KCNQ1: variants seen among roughly 807,000 people sequenced by gnomAD.
KCNQ1 encodes potassium voltage-gated channel subfamily KQT member 1.
KCNQ1 carries 49 observed loss-of-function variants against 72.4 expected under a neutral mutation model. The ratio of observed to expected loss-of-function variants is 0.68; its 90% confidence interval spans 0.54 to 0.86. The LOEUF is 0.86. Among genes scored for constraint, KCNQ1 ranks in the 40% least tolerant of loss-of-function variants. The pLI is 0.00. For missense variants in KCNQ1, 790 were observed against 945.1 expected (o/e 0.84, Z 2.15); for synonymous variants, 450 against 412.6 (o/e 1.09, Z -1.10).
At chr11:2,719,749 A>C (rs1851171837) in intron 11 of KCNQ1, among the ~76,000 whole-genome samples, 1 of 152,198 alleles carries the variant, frequency 6.6e-6, no homozygotes, top group Admixed American at 6.5e-5. Flanking sequence ...GTTTCTCACC[A>C]CACAGTGTTG....
At chr11:2,558,041 T>C (rs756982199) in intron 2 of KCNQ1, among the ~76,000 whole-genome samples, 1 of 152,048 alleles carries the variant, frequency 6.6e-6, no homozygotes, top group Non-Finnish European at 1.5e-5. Flanking sequence ...GGAAGAAAAA[T>C]CCCTTACCTA....
chr11:2,510,906 G>A (rs1027621420), intron 1 of KCNQ1, among the ~76,000 whole-genome samples: 8 of 152,148 alleles, frequency 5.3e-5, no homozygotes, highest in African/African-American at 1.7e-4. Context: ...GCTTCTGCAC[G>A]TGCAGTTTTC....
intron 15 of KCNQ1, among the ~76,000 whole-genome samples, chr11:2,792,172 C>T (rs528638958): frequency 1.3e-5 from 2 of 152,214 alleles, no homozygotes; most frequent in Non-Finnish European, 2.9e-5. Flanking sequence ...CCGCGGCCTC[C>T]AGGGGGTGGC....
Position 2,446,560 on chromosome 11 carries a change from G to A in KCNQ1, c.386+1076G>A, listed in dbSNP as rs2133562031. Among the ~76,000 whole-genome samples the A allele has an allele frequency of 6.6e-6, 1 of 152,328 alleles. No homozygotes were observed. Among genetic ancestry groups the A allele is most frequent in the East Asian group, 1.9e-4 (1 of 5,172 alleles). On this transcript the variant is annotated intron_variant, in intron 1 of 15. Transcript: ENST00000155840. This position sits in a 1 kb window ranked among gnomAD's most constrained non-coding sequence, Gnocchi z 8.8. ...TGGCAGCTGCCACCAGGGCCTCAGGGCGGGTGACAGCAGGAGCCAGGCCCC... is the reference window on the plus strand; with the variant it reads ...TGGCAGCTGCCACCAGGGCCTCAGGACGGGTGACAGCAGGAGCCAGGCCCC...
Position 2,781,293 on chromosome 11 carries a change from G to A in KCNQ1, c.1794+3256G>A, listed in dbSNP as rs1173346282. ...GTGGTCGCCTGAGGTCACACAGCTA[G>A]TTAGGTGAAGAGCTGGTCCCAAGGA... On this transcript the variant is annotated intron_variant, in intron 15 of 15. Transcript: ENST00000155840. The surrounding 1 kb of genome is among the most constrained non-coding windows in gnomAD (Gnocchi z 6.6). Among the ~76,000 whole-genome samples, 1 of 152,194 alleles carries A rather than the reference G, an allele frequency of 6.6e-6. No individual in the cohort carries two copies. Among genetic ancestry groups the A allele is most frequent in the Non-Finnish European group, 1.5e-5 (1 of 68,028 alleles).
intron 10 of KCNQ1, among the ~76,000 whole-genome samples, chr11:2,597,855 G>T (rs1209163979): frequency 6.6e-6 from 1 of 151,998 alleles, no homozygotes; most frequent in Non-Finnish European, 1.5e-5. Context: ...CATTTCAATT[G>T]TGTTGCCACT....
At chr11:2,806,905 G>A (rs1025748945) in intron 15 of KCNQ1, among the ~76,000 whole-genome samples, 4 of 152,052 alleles carry the variant, frequency 2.6e-5, no homozygotes, top group African/African-American at 9.7e-5. Flanking sequence ...GCCAGCCCGA[G>A]AGGGACGGCA....
rs199472807 is a variant in KCNQ1 at position 2,777,002 on chromosome 11, G to A, written c.1702G>A (p.Gly568Arg). ...ELQRRLDQSI[G>R]KPSLFISVSE... Reference sequence around the variant, plus strand: ...TCTCTCCAGGCTGGACCAGTCCATTGGGAAGCCCTCACTGTTCATCTCCGT... The same window carrying A: ...TCTCTCCAGGCTGGACCAGTCCATTAGGAAGCCCTCACTGTTCATCTCCGT... Residue 568 changes from glycine to arginine, a missense_variant, in exon 14 of 16, where the codon GGG becomes AGG. Gly to Arg is a moderately radical substitution (Grantham distance 125, BLOSUM62 -2). Around this residue, in one of 5 missense-constraint regions of KCNQ1, gnomAD observed 91 missense variants for 139.1 expected, o/e 0.65. Coordinates refer to ENST00000155840, the MANE Select transcript of KCNQ1 (RefSeq NM_000218.3). 1.2e-6 allele frequency: 2 copies of A among 1,614,130 alleles called. No individual in the cohort carries two copies. Among genetic ancestry groups the A allele is most frequent in the Non-Finnish European group, 1.7e-6 (2 of 1,180,016 alleles).
In KCNQ1 at chr11:2,674,401, G is replaced by T. The variant is rs928202759; in HGVS notation, c.1514+12320G>T. 1.1e-4 allele frequency: 44 copies of T among 398,390 alleles called. No individual in the cohort carries two copies. In the East Asian group the frequency reaches 1.6e-3, roughly 14 times the overall value. The allele number at this position is 398,390 out of a possible 1,614,324, so 24.7% of individuals were successfully genotyped here. On this transcript the variant is annotated intron_variant, in intron 11 of 15. Coordinates refer to ENST00000155840, the MANE Select transcript of KCNQ1 (RefSeq NM_000218.3). The surrounding 1 kb of genome is among the most constrained non-coding windows in gnomAD (Gnocchi z 5.9). ...TTAGGGAAGGTGCATGCGTGCGTGT[G>T]TGTGTGCGCGCCCGCGCGCACACGA... is the stretch of plus-strand genomic sequence containing the variant.
rs1455015338 is a variant in KCNQ1 at position 2,683,782 on chromosome 11, C to T, written c.1514+21701C>T. On this transcript the variant is annotated intron_variant, in intron 11 of 15. Transcript: ENST00000155840. This position sits in a 1 kb window ranked among gnomAD's most constrained non-coding sequence, Gnocchi z 4.7. Reference sequence around the variant, plus strand: ...ACATGGGCCTCTAAGGCTGGCTGCTCTTACTCTATACCCCAAAATCCCAGC... The same window carrying T: ...ACATGGGCCTCTAAGGCTGGCTGCTTTTACTCTATACCCCAAAATCCCAGC... 3 of 398,480 alleles carry T rather than the reference C, an allele frequency of 7.5e-6. No individual in the cohort carries two copies. Among genetic ancestry groups the T allele is most frequent in the African/African-American group, 6.2e-5 (3 of 48,622 alleles). 24.7% of individuals were successfully genotyped at this position (398,480 alleles called of 1,614,324 possible).
At position 2,674,019 on chromosome 11, in the gene KCNQ1, C is replaced by T; in HGVS notation, c.1514+11938C>T. ...GGAGGGCCCTCCGTGCTTTCTGGCT[C>T]TTTGGGCCTGGGGTGCAGCCCCTCA... On this transcript the variant is annotated intron_variant, in intron 11 of 15. Transcript: ENST00000155840. The surrounding 1 kb of genome is among the most constrained non-coding windows in gnomAD (Gnocchi z 5.9). 1 of 398,578 alleles carries T rather than the reference C, an allele frequency of 2.5e-6. No individual in the cohort carries two copies. The highest frequency in any genetic ancestry group is 1.3e-4 in the South Asian group (1 of 7,858). The allele number at this position is 398,578 out of a possible 1,614,324, so 24.7% of individuals were successfully genotyped here.
At chr11:2,610,821 T>C (rs944466026) in intron 10 of KCNQ1, 1 of 395,950 alleles carries the variant, frequency 2.5e-6, no homozygotes, top group African/African-American at 2.1e-5. Context: ...AGCTCCACAT[T>C]TGTCTCCCTG....
At position 2,549,995 on chromosome 11, in the gene KCNQ1, G is replaced by T. The variant is rs1847958582; in HGVS notation, c.478-20633G>T. Among the ~76,000 whole-genome samples the T allele has an allele frequency of 6.6e-6, 1 of 152,246 alleles. No homozygotes were observed. The highest frequency in any genetic ancestry group is 1.5e-5 in the Non-Finnish European group (1 of 68,038). ...CTCCAGTAGACCCAGAGACGGGGAG[G>T]CCAGGGTGCAGGGGACTGTTTGGGC... On this transcript the variant is annotated intron_variant, in intron 2 of 15. Coordinates refer to ENST00000155840, the MANE Select transcript of KCNQ1 (RefSeq NM_000218.3). The surrounding 1 kb of genome is among the most constrained non-coding windows in gnomAD (Gnocchi z 6.2).
At chr11:2,749,031 A>G (rs985968004) in intron 11 of KCNQ1, among the ~76,000 whole-genome samples, 2 of 152,218 alleles carry the variant, frequency 1.3e-5, no homozygotes, top group Non-Finnish European at 2.9e-5. Flanking sequence ...TGTGTCCAGC[A>G]AGTCCCTGTT....
Position 2,781,607 on chromosome 11 carries a change from T to A in KCNQ1, c.1794+3570T>A, listed in dbSNP as rs1302594028. Among the ~76,000 whole-genome samples the A allele has an allele frequency of 6.6e-6, 1 of 152,218 alleles. No homozygotes were observed. Among genetic ancestry groups the A allele is most frequent in the East Asian group, 1.9e-4 (1 of 5,198 alleles). On this transcript the variant is annotated intron_variant, in intron 15 of 15. Transcript: ENST00000155840. This position sits in a 1 kb window ranked among gnomAD's most constrained non-coding sequence, Gnocchi z 6.6. ...TGCATACCCCAGACATTCTGAGGAA[T>A]CGATGGCAGAGGCCGCTCCAGCCCT...
rs1848130945 is a variant in KCNQ1, at chr11:2,559,704, G to C, written c.478-10924G>C. On this transcript the variant is annotated intron_variant, in intron 2 of 15. Coordinates refer to ENST00000155840, the MANE Select transcript of KCNQ1 (RefSeq NM_000218.3). The surrounding 1 kb of genome is among the most constrained non-coding windows in gnomAD (Gnocchi z 4.9). ...AGGGAAAGCGGCCTCGTGCCTCCCA[G>C]AGTCACCCCGAAATCATTAACGGGG... Among the ~76,000 whole-genome samples the C allele has an allele frequency of 6.6e-6, 1 of 152,162 alleles. No homozygotes were observed. Among genetic ancestry groups the C allele is most frequent in the Non-Finnish European group, 1.5e-5 (1 of 68,036 alleles).
chr11:2,667,628 G>A (rs1350609633), intron 11 of KCNQ1: 1 of 398,544 alleles, frequency 2.5e-6, no homozygotes. Flanking sequence ...TCTCTTGTGT[G>A]CTCTGCTGAT....
intron 15 of KCNQ1, among the ~76,000 whole-genome samples, chr11:2,837,818 G>A (rs1848107153): frequency 6.6e-6 from 1 of 152,262 alleles, no homozygotes; most frequent in Non-Finnish European, 1.5e-5. Flanking sequence ...TCTGGGGCGA[G>A]AAGGGCGGCG....
intron 3 of KCNQ1, 113 bp downstream of exon 3, chr11:2,570,867 C>T (rs1848323685): frequency 1.4e-6 from 2 of 1,472,184 alleles, no homozygotes; most frequent in Non-Finnish European, 9.3e-7. Flanking sequence ...ACCCCAAGGC[C>T]AGCAGGGGGT....
Sources: allele counts gnomAD v4.1 joint callset (sites outside exome capture counted in the v4.1 genomes callset), GRCh38; gene constraint gnomAD v4.1.1; regional missense constraint gnomAD v4.1.1; non-coding constraint Gnocchi (gnomAD v3.1); transcripts MANE v1.5; gene names NCBI Gene and HGNC (gene_info 2026-07-23, HGNC 2026-07-21).